Variants in RNLS observed in about 807,000 individuals in gnomAD.
RNLS encodes renalase.
A neutral mutation model predicts 39.8 loss-of-function variants in RNLS; 39 were observed. The ratio of observed to expected loss-of-function variants is 0.98; its 90% CI spans 0.76 to 1.28. The LOEUF (loss-of-function observed/expected upper bound fraction) is 1.28. Ranked by LOEUF, RNLS falls within the 50% of genes most tolerant of loss-of-function variation. RNLS has a pLI of 0.00. For missense variants in RNLS, 410 were observed against 413.3 expected (o/e 0.99, Z 0.07); for synonymous variants, 147 against 150.7 (o/e 0.98, Z 0.18).
At chr10:88,274,316 C>T (rs1383473728) in exon 7 of RNLS, 1 of 152,366 alleles carries the variant, frequency 6.6e-6, no homozygotes. Context: ...CCTTCCCAAA[C>T]TAAAACTCTG....
At chr10:88,376,468 T>TTTAA in intron 4 of RNLS, among the ~76,000 whole-genome samples, 1 of 152,324 alleles carries the variant, frequency 6.6e-6, no homozygotes, top group Admixed American at 6.5e-5. Context: ...AATTTAACTT[T>TTTAA]TTAATTTGCT....
intron 4 of RNLS, among the ~76,000 whole-genome samples, chr10:88,493,991 T>C (rs1178929830): frequency 1.3e-5 from 2 of 152,138 alleles, no homozygotes; most frequent in African/African-American, 4.8e-5. Flanking sequence ...AGAAAACTGA[T>C]TATCCTTTGT....
chr10:88,337,677 T>C (rs1952556381), intron 5 of RNLS, among the ~76,000 whole-genome samples: 1 of 152,178 alleles, frequency 6.6e-6, no homozygotes, highest in South Asian at 2.1e-4. Flanking sequence ...GAAGCTAAGT[T>C]TGCATGATGT....
At chr10:88,377,241 TACAC>T (rs202223419) in intron 4 of RNLS, among the ~76,000 whole-genome samples, 5 of 42,058 alleles carry the variant, frequency 1.2e-4, no homozygotes, top group African/African-American at 3.0e-4. Flanking sequence ...CACACACATA[TACAC>T]ACACACACAC....
intron 4 of RNLS, among the ~76,000 whole-genome samples, chr10:88,564,051 G>T (rs1487755579): frequency 6.6e-6 from 1 of 152,026 alleles, no homozygotes; most frequent in Non-Finnish European, 1.5e-5. Flanking sequence ...TGGCATTGTA[G>T]ATCTGTGAAG....
the RNLS span, among the ~76,000 whole-genome samples, chr10:88,188,420 C>G: frequency 6.6e-6 from 1 of 152,186 alleles, no homozygotes; most frequent in Non-Finnish European, 1.5e-5. Flanking sequence ...GTTAATGTGA[C>G]ATTTCTGATG....
chr10:88,514,745 T>A (rs1312435724), intron 4 of RNLS, among the ~76,000 whole-genome samples: 1 of 152,102 alleles, frequency 6.6e-6, no homozygotes, highest in Non-Finnish European at 1.5e-5. Context: ...TGGTAAGATT[T>A]CCTTCTTTTT....
intron 4 of RNLS, among the ~76,000 whole-genome samples, chr10:88,548,385 A>C (rs1848443915): frequency 6.7e-6 from 1 of 149,928 alleles, no homozygotes; most frequent in Non-Finnish European, 1.5e-5. Flanking sequence ...TTTTCCTGTA[A>C]TCCCAGCACT....
At chr10:88,512,131 T>TA (rs1846152122) in intron 4 of RNLS, among the ~76,000 whole-genome samples, 1 of 152,160 alleles carries the variant, frequency 6.6e-6, no homozygotes, top group Admixed American at 6.6e-5. Context: ...ACATGTACAC[T>TA]AAATACTGCA....
At chr10:88,356,302 C>T (rs952930165) in intron 5 of RNLS, among the ~76,000 whole-genome samples, 24 of 152,192 alleles carry the variant, frequency 1.6e-4, no homozygotes, top group Admixed American at 6.5e-5. Flanking sequence ...CTGTCTTCTG[C>T]GTTACTCATG....
chr10:88,290,205 T>A (rs535487083), intron 6 of RNLS, among the ~76,000 whole-genome samples: 99 of 152,314 alleles, frequency 6.5e-4, no homozygotes, highest in African/African-American at 2.3e-3. Flanking sequence ...CTACAGTGCG[T>A]CCCTGGACTA....
chr10:88,507,273 A>G (rs1467252976), intron 4 of RNLS, among the ~76,000 whole-genome samples: 4 of 152,148 alleles, frequency 2.6e-5, no homozygotes, highest in Non-Finnish European at 5.9e-5. Context: ...ACACACGCAC[A>G]CACACACACA....
chr10:88,504,008 T>C (rs546410288), intron 4 of RNLS, among the ~76,000 whole-genome samples: 89 of 152,244 alleles, frequency 5.8e-4, no homozygotes, highest in African/African-American at 2.0e-3. Context: ...GTCTTGAGGA[T>C]TCTCAGGTAG....
At chr10:88,501,571 C>T (rs1307488495) in intron 4 of RNLS, among the ~76,000 whole-genome samples, 2 of 152,116 alleles carry the variant, frequency 1.3e-5, no homozygotes, top group Admixed American at 1.3e-4. Context: ...CTGCCCATTG[C>T]ACCCCTGAGT....
intron 4 of RNLS, among the ~76,000 whole-genome samples, chr10:88,552,077 C>A (rs1037590327): frequency 2.0e-5 from 3 of 152,188 alleles, no homozygotes; most frequent in Admixed American, 6.5e-5. Flanking sequence ...TTACTAGATG[C>A]TTTAACACAT....
chr10:88,464,290 A>C (rs757193022), intron 4 of RNLS, among the ~76,000 whole-genome samples: 14 of 151,936 alleles, frequency 9.2e-5, no homozygotes, highest in South Asian at 2.1e-4. Flanking sequence ...ATATTCCTTT[A>C]TTTTCTTCTA....
chr10:88,329,084 C>CTTTTTT (rs776645419), intron 5 of RNLS, among the ~76,000 whole-genome samples: 1 of 142,110 alleles, frequency 7.0e-6, no homozygotes. Context: ...TTTTGTTTTT[C>CTTTTTT]TTTTTTTTTT....
the RNLS span, among the ~76,000 whole-genome samples, chr10:88,220,748 C>T: frequency 4.6e-5 from 7 of 152,146 alleles, no homozygotes; most frequent in Non-Finnish European, 8.8e-5. Flanking sequence ...CATGTTTATT[C>T]ATGACTGGAC....
intron 4 of RNLS, among the ~76,000 whole-genome samples, chr10:88,458,378 G>A (rs1408913718): frequency 6.6e-6 from 1 of 152,050 alleles, no homozygotes; most frequent in African/African-American, 2.4e-5. Flanking sequence ...TTCCTCCTCC[G>A]GTAATGTCTT....
Sources: allele counts gnomAD v4.1 joint callset (sites outside exome capture counted in the v4.1 genomes callset), GRCh38; gene constraint gnomAD v4.1.1; transcripts MANE v1.5; gene names NCBI Gene and HGNC (gene_info 2026-07-23, HGNC 2026-07-21).